The following ODAD2 variants were observed in gnomAD, a reference collection of about 807,000 sequenced individuals.
ODAD2 encodes the protein outer dynein arm docking complex subunit 2.
ODAD2 carries 89 observed loss-of-function variants against 106.8 expected under a neutral mutation model. The observed-to-expected ratio is 0.83, with a 90% CI of 0.70 to 0.99. The LOEUF is 0.99. Among genes scored for constraint, ODAD2 ranks in the 50% least tolerant of loss-of-function variants. The pLI is 0.00. For missense variants in ODAD2, 1,168 were observed against 1,238.5 expected, an observed-to-expected ratio of 0.94 and a Z score of 0.85; for synonymous variants, 404 against 436.2, an observed-to-expected ratio of 0.93 and a Z score of 0.92.
At chr10:27,963,944 G>A (rs1412787788) in intron 9 of ODAD2, among the ~76,000 whole-genome samples, 7 of 152,128 alleles carry the variant, frequency 4.6e-5, no homozygotes, top group Non-Finnish European at 1.0e-4. Context: ...AATTTGGGCC[G>A]GGCATGGTGG....
chr10:27,876,262 G>C (rs1196278469), intron 17 of ODAD2, among the ~76,000 whole-genome samples: 1 of 152,278 alleles, frequency 6.6e-6, no homozygotes, highest in East Asian at 1.9e-4. Flanking sequence ...GTGGGTCCCT[G>C]ACTCCCGAGT....
intron 17 of ODAD2, among the ~76,000 whole-genome samples, chr10:27,875,166 A>G (rs1419613450): frequency 6.6e-6 from 1 of 152,172 alleles, no homozygotes; most frequent in Non-Finnish European, 1.5e-5. Flanking sequence ...AAGCTTGTGC[A>G]TTCGTCACGT....
intron 19 of ODAD2, among the ~76,000 whole-genome samples, chr10:27,824,212 A>G (rs1030582694): frequency 6.6e-6 from 1 of 151,676 alleles, no homozygotes; most frequent in Admixed American, 6.6e-5. Flanking sequence ...CTCTTGTATC[A>G]GTCTCTAGTC....
intron 16 of ODAD2, among the ~76,000 whole-genome samples, chr10:27,931,903 T>C (rs1005992976): frequency 8.6e-5 from 13 of 151,880 alleles, no homozygotes; most frequent in African/African-American, 3.1e-4. Flanking sequence ...TATGTCCCGA[T>C]AAACCCATCA....
Position 27,812,567 on chromosome 10 carries a change from C to T in ODAD2, c.3080G>A (p.Cys1027Tyr), listed in dbSNP as rs769530979. The T allele has an allele frequency of 1.2e-6, 2 of 1,613,176 alleles. No homozygotes were observed. Among genetic ancestry groups the T allele is most frequent in the Non-Finnish European group, 1.7e-6 (2 of 1,179,832 alleles). The change falls in exon 20 of 20, where the codon TGT (cysteine) becomes TAT (tyrosine). Residue 1027 changes from cysteine to tyrosine, a missense_variant. Physicochemically the swap from Cys to Tyr is radical, Grantham distance 194. This residue lies in a region of ODAD2 where 701 missense variants were observed against 712.3 expected (regional missense o/e 0.98). Coordinates refer to ENST00000305242, the MANE Select transcript of ODAD2 (RefSeq NM_018076.5). Reference protein sequence around the residue: ...DQDLQEAAAGCISNIRRLALA... With the variant: ...DQDLQEAAAGYISNIRRLALA... ...AGCCAGCCTGCGGATATTGGATATACAACCAGCTGCAGCTTCCTGGAGATC... is the reference window on the plus strand; with the variant it reads ...AGCCAGCCTGCGGATATTGGATATATAACCAGCTGCAGCTTCCTGGAGATC...
rs373347678 is a variant in ODAD2, at chr10:27,944,338, T to C, written c.1627A>G (p.Ile543Val). 6 of 1,613,746 alleles carry C rather than the reference T, an allele frequency of 3.7e-6. No individual in the cohort carries two copies. Among genetic ancestry groups the C allele is most frequent in the Non-Finnish European group, 5.1e-6 (6 of 1,179,656 alleles). The stretch of plus-strand genomic sequence containing the variant: ...AGACTCTTGTGTGGAGAATCAAGTA[T>C]ATTCACCATAATTGGTAAGCCCCCA... ...DLGGLPIMVN[I>V]LDSPHKSLKC... The change falls in exon 12 of 20, where the codon ATA (isoleucine) becomes GTA (valine). Residue 543 changes from isoleucine to valine, a missense_variant. By Grantham distance (29) the Ile-to-Val change is conservative. Transcript: ENST00000305242.
intron 17 of ODAD2, among the ~76,000 whole-genome samples, chr10:27,890,930 A>T (rs1842517638): frequency 6.6e-6 from 1 of 152,168 alleles, no homozygotes; most frequent in Non-Finnish European, 1.5e-5. Context: ...TACATTTTAA[A>T]GACGTTTTGG....
chr10:27,960,042 GAC>G (rs1848014697), intron 10 of ODAD2, among the ~76,000 whole-genome samples: 1 of 151,888 alleles, frequency 6.6e-6, no homozygotes, highest in Non-Finnish European at 1.5e-5. Context: ...TTTAAAAATT[GAC>G]AGATGCCACA....
intron 19 of ODAD2, among the ~76,000 whole-genome samples, chr10:27,848,475 A>G (rs1049066360): frequency 6.6e-6 from 1 of 152,208 alleles, no homozygotes; most frequent in Non-Finnish European, 1.5e-5. Flanking sequence ...AACCTAGGCA[A>G]TACCATTCAG....
In ODAD2 at chr10:27,965,897, C is replaced by T. The variant is rs559577936; in HGVS notation, c.1238+3026G>A. 1.9e-3 allele frequency among the ~76,000 whole-genome samples: 284 copies of T among 152,304 alleles called. 1 individual carries two copies. Among genetic ancestry groups the T allele is most frequent in the African/African-American group, 6.3e-3 (263 of 41,572 alleles). On this transcript the variant is annotated intron_variant, in intron 9 of 19. Coordinates refer to ENST00000305242, the MANE Select transcript of ODAD2 (RefSeq NM_018076.5). ...AGTTTCTAACTCAACATTAAACTCA[C>T]GGGCAAGGACTAGTCCATTTAAGCC... is the stretch of plus-strand genomic sequence containing the variant.
intron 3 of ODAD2, among the ~76,000 whole-genome samples, chr10:27,986,202 A>G (rs1412239845): frequency 2.0e-5 from 3 of 152,198 alleles, no homozygotes; most frequent in Non-Finnish European, 4.4e-5. Flanking sequence ...GAGCATCTCA[A>G]CTTAACAACC....
At position 27,910,213 on chromosome 10, in the gene ODAD2, G is replaced by A. The variant is rs867499529; in HGVS notation, c.2496-2436C>T. Among the ~76,000 whole-genome samples, 4 of 152,066 alleles carry A rather than the reference G, an allele frequency of 2.6e-5. No individual in the cohort carries two copies. The East Asian group carries it at 7.7e-4, about 29-fold the overall frequency. On this transcript the variant is annotated intron_variant, in intron 16 of 19. Transcript: ENST00000305242. ...TTTAGAATTTCTGCAATAGCTCCTTGAGATCAGGATGCCAGGGATATTCAT... is the reference window on the plus strand; with the variant it reads ...TTTAGAATTTCTGCAATAGCTCCTTAAGATCAGGATGCCAGGGATATTCAT...
At chr10:27,848,993 G>T (rs932616196) in intron 19 of ODAD2, among the ~76,000 whole-genome samples, 1 of 152,318 alleles carries the variant, frequency 6.6e-6, no homozygotes, top group Middle Eastern at 3.4e-3. Flanking sequence ...AGACAGTGTG[G>T]TGATTCCTCA....
chr10:27,993,710 T>C (rs1338957173), intron 2 of ODAD2, among the ~76,000 whole-genome samples: 1 of 152,028 alleles, frequency 6.6e-6, no homozygotes, highest in East Asian at 1.9e-4. Context: ...GGCTGACCAA[T>C]AGAAGAATTA....
chr10:27,902,406 A>C (rs1045009748), intron 17 of ODAD2, among the ~76,000 whole-genome samples: 1 of 152,198 alleles, frequency 6.6e-6, no homozygotes, highest in African/African-American at 2.4e-5. Flanking sequence ...GCAAGAGCAA[A>C]TAAACTCAAA....
At chr10:27,905,397 C>A (rs1220280239) in intron 17 of ODAD2, among the ~76,000 whole-genome samples, 2 of 152,138 alleles carry the variant, frequency 1.3e-5, no homozygotes, top group Non-Finnish European at 2.9e-5. Context: ...ATATTCCATG[C>A]CCATGGATAG....
chr10:27,950,120 T>A (rs1201654924), intron 10 of ODAD2, among the ~76,000 whole-genome samples: 1 of 152,178 alleles, frequency 6.6e-6, no homozygotes, highest in Non-Finnish European at 1.5e-5. Flanking sequence ...CACTATCACA[T>A]GGCCATCCAG....
Position 27,971,060 on chromosome 10 carries a change from T to C in ODAD2, c.1142+48A>G, listed in dbSNP as rs780365978. ...AAAGTTCTGTGAAAAATTAGGTGAG[T>C]ATGGTTACTAATGCTGCATCTGAAA... On this transcript the variant is annotated intron_variant, in intron 8 of 19. Coordinates refer to ENST00000305242, the MANE Select transcript of ODAD2 (RefSeq NM_018076.5). 1.4e-5 allele frequency: 16 copies of C among 1,142,536 alleles called. No individual in the cohort carries two copies. In the East Asian group the frequency reaches 4.0e-4, roughly 28 times the overall value. 70.8% of individuals were successfully genotyped at this position (1,142,536 alleles called of 1,614,324 possible).
chr10:27,938,664 A>G (rs1184256612), intron 14 of ODAD2, among the ~76,000 whole-genome samples: 2 of 148,626 alleles, frequency 1.3e-5, no homozygotes, highest in Non-Finnish European at 1.5e-5. Context: ...CAGTGGCGCG[A>G]TCTTGGCTCA....
Sources: allele counts gnomAD v4.1 joint callset (sites outside exome capture counted in the v4.1 genomes callset), GRCh38; gene constraint gnomAD v4.1.1; regional missense constraint gnomAD v4.1.1; transcripts MANE v1.5; gene names NCBI Gene and HGNC (gene_info 2026-07-23, HGNC 2026-07-21).